PCDH15: variants seen among roughly 807,000 people sequenced by gnomAD.
The protein encoded by PCDH15 is protocadherin-15.
A neutral mutation model predicts 178.5 loss-of-function variants in PCDH15; 129 were observed. The observed-to-expected ratio is 0.72, with a 90% CI of 0.63 to 0.84. The LOEUF (loss-of-function observed/expected upper bound fraction) is 0.84. PCDH15 is among the 40% of genes least tolerant of loss of function. The pLI, the probability that PCDH15 is intolerant of heterozygous loss-of-function variation, is 0.00. For missense variants in PCDH15, 2,230 were observed against 2,099.9 expected (o/e 1.06, Z -1.21); for synonymous variants, 800 against 732.0 (o/e 1.09, Z -1.50).
intron 26 of PCDH15, among the ~76,000 whole-genome samples, chr10:53,882,233 T>A (rs1265550811): frequency 6.6e-6 from 1 of 152,080 alleles, no homozygotes; most frequent in African/African-American, 2.4e-5. Flanking sequence ...CAGACATATG[T>A]TTCTCATTCA....
chr10:54,524,311 C>T (rs753205543), intron 3 of PCDH15, among the ~76,000 whole-genome samples: 6 of 151,536 alleles, frequency 4.0e-5, no homozygotes, highest in Non-Finnish European at 8.8e-5. Context: ...GTAGTGATAT[C>T]CTTTTGTCTC....
chr10:55,144,632 C>T (rs1045559200), intron 2 of PCDH15, among the ~76,000 whole-genome samples: 2 of 152,008 alleles, frequency 1.3e-5, no homozygotes, highest in Non-Finnish European at 2.9e-5. Context: ...GTAATACTGA[C>T]CATAAGACCA....
intron 2 of PCDH15, among the ~76,000 whole-genome samples, chr10:55,618,843 G>A (rs779817150): frequency 6.6e-6 from 1 of 151,966 alleles, no homozygotes; most frequent in African/African-American, 2.4e-5. Flanking sequence ...ATGACATAAA[G>A]AAAATTGTTT....
At chr10:55,323,618 G>T (rs183109306), upstream of PCDH15, among the ~76,000 whole-genome samples, 15 of 152,294 alleles carry the variant, frequency 9.8e-5, no homozygotes, top group East Asian at 2.7e-3. Flanking sequence ...TGGGCCTGTA[G>T]TTCCTTTGTT....
At chr10:55,098,741 G>A (rs1013738748) in intron 2 of PCDH15, among the ~76,000 whole-genome samples, 9 of 151,980 alleles carry the variant, frequency 5.9e-5, no homozygotes, top group Admixed American at 4.6e-4. Flanking sequence ...ATCAGACACC[G>A]CCTCCTCAAG....
rs962991173 is a variant in PCDH15 at position 54,528,282 on chromosome 10, T to C, written c.92-405A>G. 7.3e-6 allele frequency: 8 copies of C among 1,096,478 alleles called. No homozygotes were observed. The African/African-American group carries it at 1.3e-4, about 17-fold the overall frequency. The allele number at this position is 1,096,478 out of a possible 1,614,324, so 67.9% of individuals were successfully genotyped here. ...ACTTTAATTGTGATAAAGGGTCTAA[T>C]TAGAGAGAGTGAATAGAATTTTAAT... is the stretch of plus-strand genomic sequence containing the variant. On this transcript the variant is annotated intron_variant, in intron 2 of 37. Transcript: ENST00000644397.
chr10:54,367,103 G>A (rs1349101521), intron 5 of PCDH15, among the ~76,000 whole-genome samples: 1 of 151,964 alleles, frequency 6.6e-6, no homozygotes, highest in African/African-American at 2.4e-5. Flanking sequence ...TGCATGGTAG[G>A]GAGGATCTTA....
intron 28 of PCDH15, among the ~76,000 whole-genome samples, chr10:53,844,492 T>C (rs1333905897): frequency 6.6e-6 from 1 of 151,550 alleles, no homozygotes; most frequent in Non-Finnish European, 1.5e-5. Context: ...AAACAGAAAA[T>C]TTGCTTTTTT....
chr10:54,345,551 CTTACTTTG>C (rs1211257722), intron 6 of PCDH15, among the ~76,000 whole-genome samples: 3 of 151,838 alleles, frequency 2.0e-5, no homozygotes, highest in African/African-American at 7.3e-5. Context: ...TAAAAAAAAT[CTTACTTTG>C]TCTGTTTTTT....
intron 1 of PCDH15, among the ~76,000 whole-genome samples, chr10:54,768,068 A>T (rs1948711094): frequency 6.6e-6 from 1 of 152,226 alleles, no homozygotes; most frequent in African/African-American, 2.4e-5. Context: ...TTTCTGTACA[A>T]TCTCCTCTAT....
intron 2 of PCDH15, among the ~76,000 whole-genome samples, chr10:54,554,035 G>A (rs183967158): frequency 1.7e-3 from 260 of 152,176 alleles, no homozygotes; most frequent in African/African-American, 5.9e-3. Flanking sequence ...GAGGCTACTT[G>A]GTGAAATTTT....
intron 2 of PCDH15, among the ~76,000 whole-genome samples, chr10:54,906,042 C>T (rs1326515715): frequency 6.6e-6 from 1 of 152,052 alleles, no homozygotes; most frequent in Non-Finnish European, 1.5e-5. Context: ...GAGGAAAAGG[C>T]AAAATCTTTC....
At chr10:54,620,985 T>C (rs539447135) in intron 2 of PCDH15, among the ~76,000 whole-genome samples, 3 of 152,114 alleles carry the variant, frequency 2.0e-5, no homozygotes, top group East Asian at 1.9e-4. Flanking sequence ...TGGAGAAGAA[T>C]ATATATTCTT....
intron 2 of PCDH15, among the ~76,000 whole-genome samples, chr10:55,341,796 TATATATATA>T (rs1371450794): frequency 2.8e-3 from 37 of 13,116 alleles, no homozygotes; most frequent in African/African-American, 7.7e-3. Flanking sequence ...TATATATATA[TATATATATA>T]TTTTTTTTTT....
At chr10:54,471,625 T>C (rs1462753759) in intron 3 of PCDH15, among the ~76,000 whole-genome samples, 3 of 151,846 alleles carry the variant, frequency 2.0e-5, no homozygotes, top group Non-Finnish European at 2.9e-5. Flanking sequence ...CAGAATCTTC[T>C]ATTTTAAATT....
At chr10:55,097,916 G>A (rs1263651001) in intron 2 of PCDH15, among the ~76,000 whole-genome samples, 1 of 152,010 alleles carries the variant, frequency 6.6e-6, no homozygotes, top group African/African-American at 2.4e-5. Context: ...TGTATTTACA[G>A]CATCCTAAAT....
At chr10:54,278,916 G>A (rs1197586688) in intron 8 of PCDH15, among the ~76,000 whole-genome samples, 4 of 151,384 alleles carry the variant, frequency 2.6e-5, no homozygotes, top group East Asian at 1.9e-4. Context: ...TCAACCTACC[G>A]CATCCTTAGT....
In PCDH15 at chr10:53,952,179, G is replaced by A. The variant is rs144537343; in HGVS notation, c.3122+7553C>T. Among the ~76,000 whole-genome samples the A allele has an allele frequency of 3.9e-5, 6 of 152,288 alleles. No homozygotes were observed. In the East Asian group the frequency reaches 9.7e-4, roughly 25 times the overall value. On this transcript the variant is annotated intron_variant, in intron 23 of 37. Coordinates refer to ENST00000644397, the MANE Select transcript of PCDH15 (RefSeq NM_001384140.1). ...TTGCCCACAATGTGGCAAGCGGGGA[G>A]GCATGTTTCAGCCCTGCTGGTATTA...
intron 2 of PCDH15, among the ~76,000 whole-genome samples, chr10:54,996,717 C>CT: frequency 6.6e-6 from 1 of 152,134 alleles, no homozygotes; most frequent in East Asian, 1.9e-4. Context: ...TTTTATGCTG[C>CT]TGTTCTAAGC....
Sources: gnomAD v4.1 joint callset for allele counts (sites outside exome capture counted in the v4.1 genomes callset) on GRCh38, gnomAD v4.1.1 for gene constraint, MANE v1.5 for transcripts, NCBI Gene and HGNC (gene_info 2026-07-23, HGNC 2026-07-21) for gene names.